Variants in ATF2 observed in about 807,000 individuals in gnomAD.
The protein encoded by ATF2 is cyclic AMP-dependent transcription factor ATF-2.
A neutral mutation model predicts 60.6 loss-of-function variants in ATF2; 24 were observed. The ratio of observed to expected loss-of-function variants is 0.40; its 90% CI spans 0.29 to 0.56. The LOEUF (loss-of-function observed/expected upper bound fraction) is 0.56, where lower values mean the gene tolerates loss of function less well. Ranked by LOEUF, ATF2 falls within the 20% of genes least tolerant of loss-of-function variation. The probability of loss-of-function intolerance (pLI) is 0.54; values close to 1 mark genes in which losing one functional copy is unlikely to be tolerated. For synonymous variants in ATF2, 206 were observed against 215.4 expected (o/e 0.96, Z 0.38); for missense variants, 433 against 607.7 (o/e 0.71, Z 3.02).
chr2:175,080,620 T>G (rs777494538), intron 13 of ATF2, 40 bp downstream of exon 13: 41 of 1,496,566 alleles, frequency 2.7e-5, no homozygotes, highest in Non-Finnish European at 3.8e-5. Context: ...GGTATTTCAC[T>G]GACGTAGCCT....
At chr2:175,152,470 C>T (rs1559119775) in intron 1 of ATF2, among the ~76,000 whole-genome samples, 1 of 152,094 alleles carries the variant, frequency 6.6e-6, no homozygotes, top group Admixed American at 6.5e-5. Flanking sequence ...GAGTAAGAAC[C>T]TGGCAGAAAG....
chr2:175,136,300 T>C, intron 3 of ATF2, 112 bp downstream of exon 3: 4 of 1,033,314 alleles, frequency 3.9e-6, no homozygotes, highest in Admixed American at 2.1e-5. Context: ...AAGTGACTTG[T>C]TTTGTATGGA....
intron 1 of ATF2, among the ~76,000 whole-genome samples, chr2:175,162,626 T>C (rs1479920475): frequency 6.6e-6 from 1 of 152,202 alleles, no homozygotes; most frequent in Non-Finnish European, 1.5e-5. Flanking sequence ...TAATACTTAT[T>C]TTTCAACTAT....
At chr2:175,139,694 A>G (rs965207027) in intron 2 of ATF2, among the ~76,000 whole-genome samples, 6 of 151,952 alleles carry the variant, frequency 3.9e-5, no homozygotes, top group African/African-American at 1.2e-4. Context: ...AGAAAGAAAG[A>G]AATAGATTAC....
chr2:175,105,418 C>T (rs1240735766), intron 10 of ATF2, among the ~76,000 whole-genome samples: 1 of 151,896 alleles, frequency 6.6e-6, no homozygotes, highest in East Asian at 1.9e-4. Context: ...TAATGGTCTT[C>T]TTAGAAGAAC....
intron 5 of ATF2, among the ~76,000 whole-genome samples, chr2:175,119,428 G>T (rs749585328): frequency 6.6e-6 from 1 of 151,384 alleles, no homozygotes; most frequent in Non-Finnish European, 1.5e-5. Context: ...TAACCATTAT[G>T]TCCCCACAGA....
chr2:175,103,240 A>G (rs1280436029), intron 10 of ATF2, among the ~76,000 whole-genome samples: 2 of 152,260 alleles, frequency 1.3e-5, no homozygotes, highest in African/African-American at 4.8e-5. Context: ...AGCTCATCAG[A>G]GTAATAACCC....
At position 175,097,429 on chromosome 2, in the gene ATF2, A is replaced by C. The variant is rs1305999620; in HGVS notation, c.978+15T>G. The C allele has an allele frequency of 2.5e-6, 4 of 1,612,672 alleles. No individual in the cohort carries two copies. Among genetic ancestry groups the C allele is most frequent in the South Asian group, 2.2e-5 (2 of 90,850 alleles). On this transcript the variant is annotated intron_variant, in intron 11 of 13. Coordinates refer to ENST00000264110, the MANE Select transcript of ATF2 (RefSeq NM_001880.4). ...AAGATGACAGAGTGCTGAATAATAA[A>C]AACAACACACATACCGGAGTTTCTG...
intron 3 of ATF2, among the ~76,000 whole-genome samples, chr2:175,132,929 T>A (rs912508409): frequency 2.0e-5 from 3 of 151,688 alleles, no homozygotes; most frequent in Non-Finnish European, 1.5e-5. Context: ...CTACTAAAAA[T>A]TAAAAAATAA....
At chr2:175,084,850 T>G (rs1694042989) in intron 12 of ATF2, among the ~76,000 whole-genome samples, 1 of 152,072 alleles carries the variant, frequency 6.6e-6, no homozygotes, top group Admixed American at 6.6e-5. Flanking sequence ...ATCTTTTCCT[T>G]GGTATCCCCA....
intron 12 of ATF2, among the ~76,000 whole-genome samples, chr2:175,089,799 T>C (rs1482171662): frequency 6.6e-6 from 1 of 152,176 alleles, no homozygotes; most frequent in Non-Finnish European, 1.5e-5. Context: ...GTACCCTTTC[T>C]TCCCAAACCA....
rs780915529 is a variant in ATF2 at position 175,074,828 on chromosome 2, A to G, written c.1299T>C (p.Asp433=). The change falls in exon 14 of 14, where the codon GAT becomes GAC. Residue 433 remains aspartate (D), a synonymous_variant. Coordinates refer to ENST00000264110, the MANE Select transcript of ATF2 (RefSeq NM_001880.4). ...MQKKSGYHTA[D]KDDSSEDISV... The stretch of plus-strand genomic sequence containing the variant: ...AAATGTCTTCTGAACTATCATCTTT[A>G]TCAGCAGCTGGGTGGAAAAAAGAAA... The G allele has an allele frequency of 2.4e-5, 39 of 1,613,294 alleles. No homozygotes were observed. Among genetic ancestry groups the G allele is most frequent in the Admixed American group, 3.3e-5 (2 of 59,858 alleles).
intron 1 of ATF2, among the ~76,000 whole-genome samples, chr2:175,161,358 A>G (rs931018824): frequency 6.6e-6 from 1 of 152,266 alleles, no homozygotes; most frequent in African/African-American, 2.4e-5. Context: ...ATGAACTTCA[A>G]TAATAATTCC....
chr2:175,087,531 G>T (rs1216669046), intron 12 of ATF2, among the ~76,000 whole-genome samples: 1 of 152,020 alleles, frequency 6.6e-6, no homozygotes, highest in Non-Finnish European at 1.5e-5. Context: ...CTAATCAATC[G>T]AAACTTTTAT....
chr2:175,105,760 AT>A (rs1695610850), intron 10 of ATF2, among the ~76,000 whole-genome samples: 1 of 152,206 alleles, frequency 6.6e-6, no homozygotes, highest in Non-Finnish European at 1.5e-5. Context: ...GAAAATGGAA[AT>A]AAAGGAAAAT....
chr2:175,075,131 T>C (rs2105516793), intron 13 of ATF2: 1 of 1,125,650 alleles, frequency 8.9e-7, no homozygotes, highest in East Asian at 4.7e-5. Flanking sequence ...GTTTGGAAGA[T>C]AGTCTCTTAC....
rs1375704764 is a variant in ATF2 at position 175,072,656 on chromosome 2, C to T, written c.*1953G>A. 1 of 152,016 alleles carries T rather than the reference C, an allele frequency of 6.6e-6. No individual in the cohort carries two copies. Among genetic ancestry groups the T allele is most frequent in the South Asian group, 2.1e-4 (1 of 4,826 alleles). The allele number at this position is 152,016 out of a possible 1,614,324, so 9.4% of individuals were successfully genotyped here. ...GGCTTTTCCTAACCCATTCAAACTA[C>T]AATAAAAAATAGCCTTCTTGCAGAA... On this transcript the variant is annotated 3_prime_UTR_variant, in exon 14 of 14. Coordinates refer to ENST00000264110, the MANE Select transcript of ATF2 (RefSeq NM_001880.4).
At chr2:175,097,072 C>T (rs888275682) in intron 11 of ATF2, among the ~76,000 whole-genome samples, 1 of 152,142 alleles carries the variant, frequency 6.6e-6, no homozygotes, top group African/African-American at 2.4e-5. Context: ...GGTTATATAA[C>T]TATTTTCCAA....
intron 1 of ATF2, among the ~76,000 whole-genome samples, chr2:175,154,234 A>ATAT (rs1553515951): frequency 1.8e-3 from 235 of 131,656 alleles, no homozygotes; most frequent in African/African-American, 5.6e-3. Flanking sequence ...AGAAAAAAAA[A>ATAT]ATATATATAT....
Sources: gnomAD v4.1 joint callset for allele counts (sites outside exome capture counted in the v4.1 genomes callset) on GRCh38, gnomAD v4.1.1 for gene constraint, MANE v1.5 for transcripts, NCBI Gene and HGNC (gene_info 2026-07-23, HGNC 2026-07-21) for gene names.